The following SPPL3 variants were observed in gnomAD, a reference collection of about 807,000 sequenced individuals.
SPPL3 encodes the protein signal peptide peptidase like 3.
Under a neutral mutation model 42.4 loss-of-function variants are expected in SPPL3, and 5 were observed. The ratio of observed to expected loss-of-function variants is 0.12; its 90% CI spans 0.06 to 0.25. The LOEUF is 0.25. Among genes scored for constraint, SPPL3 ranks in the 10% least tolerant of loss-of-function variants. The pLI is 1.00. For synonymous variants in SPPL3, 195 were observed against 181.8 expected (o/e 1.07, Z -0.58); for missense variants, 235 against 489.0 (o/e 0.48, Z 4.90).
chr12:120,887,461 A>G (rs1873501701), intron 1 of SPPL3, among the ~76,000 whole-genome samples: 1 of 152,168 alleles, frequency 6.6e-6, no homozygotes, highest in South Asian at 2.1e-4. Flanking sequence ...ACCTTCAGTC[A>G]TGAAACCACT....
intron 1 of SPPL3, among the ~76,000 whole-genome samples, chr12:120,894,265 G>A (rs1307253411): frequency 1.3e-5 from 2 of 152,028 alleles, no homozygotes; most frequent in Non-Finnish European, 2.9e-5. Flanking sequence ...CAGAGGTTGC[G>A]GTGAGCCAAG....
Position 120,764,960 on chromosome 12 carries a change from G to C in SPPL3, c.*39C>G, listed in dbSNP as rs765392551. The C allele has an allele frequency of 6.2e-6, 10 of 1,604,740 alleles. No individual in the cohort carries two copies. The South Asian group carries it at 1.1e-4, about 18-fold the overall frequency. ...AAACAAACCATGAGTTGAGAGAAAA[G>C]GACTATGACGGCCATCTGGTCACTT... On this transcript the variant is annotated 3_prime_UTR_variant, in exon 11 of 11. Transcript: ENST00000353487.
chr12:120,810,699 G>T, intron 2 of SPPL3, 110 bp downstream of exon 2: 2 of 793,050 alleles, frequency 2.5e-6, no homozygotes, highest in Non-Finnish European at 2.1e-6. Context: ...GTCAAATCCT[G>T]CCGAAGTCCT....
Position 120,830,582 on chromosome 12 carries a change from A to G in SPPL3, c.24-19696T>C, listed in dbSNP as rs377702278. 1.5e-3 allele frequency among the ~76,000 whole-genome samples: 141 copies of G among 92,414 alleles called. 12 individuals are homozygous for G. Among genetic ancestry groups the G allele is most frequent in the African/African-American group, 6.1e-3 (127 of 20,810 alleles). The allele number at this position is 92,414 out of a possible 152,430, so 60.6% of individuals were successfully genotyped here. Reference sequence around the variant, plus strand: ...GGAGGGGTGGGGGAGGGGGGGAAGGAGAGAGAGAGAGAGAGAGAGAGAGAA... The same window carrying G: ...GGAGGGGTGGGGGAGGGGGGGAAGGGGAGAGAGAGAGAGAGAGAGAGAGAA... On this transcript the variant is annotated intron_variant, in intron 1 of 10. Coordinates refer to ENST00000353487, the MANE Select transcript of SPPL3 (RefSeq NM_139015.5).
chr12:120,781,565 T>G (rs1043974798), intron 6 of SPPL3, among the ~76,000 whole-genome samples: 4 of 88,552 alleles, frequency 4.5e-5, no homozygotes, highest in African/African-American at 1.9e-4. Flanking sequence ...GTTTTTTTTT[T>G]TTTTTTTTTT....
At chr12:120,805,315 C>T (rs1870451620) in intron 2 of SPPL3, among the ~76,000 whole-genome samples, 1 of 152,168 alleles carries the variant, frequency 6.6e-6, no homozygotes, top group African/African-American at 2.4e-5. Flanking sequence ...CATAAGAACA[C>T]ATGATAAAAT....
At chr12:120,858,012 G>GAAC (rs1164455031) in intron 1 of SPPL3, among the ~76,000 whole-genome samples, 1 of 139,678 alleles carries the variant, frequency 7.2e-6, no homozygotes, top group African/African-American at 2.5e-5. Context: ...CATTAAAAAT[G>GAAC]AACAACAGGA....
intron 2 of SPPL3, among the ~76,000 whole-genome samples, chr12:120,803,246 C>T (rs925433745): frequency 1.3e-5 from 2 of 152,134 alleles, no homozygotes; most frequent in African/African-American, 4.8e-5. Context: ...TCTTTTTTGG[C>T]TCTATTTTGT....
chr12:120,842,949 G>T (rs960806668), intron 1 of SPPL3, among the ~76,000 whole-genome samples: 1 of 152,166 alleles, frequency 6.6e-6, no homozygotes. Context: ...TTAGAAACTG[G>T]AGGAGGCAGT....
At chr12:120,789,824 CAAAAAAAAAAAA>C (rs3050392) in intron 3 of SPPL3, among the ~76,000 whole-genome samples, 13 of 30,462 alleles carry the variant, frequency 4.3e-4, no homozygotes, top group Admixed American at 2.6e-3. Flanking sequence ...GACTCCGTCT[CAAAAAAAAAAAA>C]AAAAAAAAAA....
chr12:120,808,628 C>A (rs1242388643), intron 2 of SPPL3, among the ~76,000 whole-genome samples: 1 of 152,162 alleles, frequency 6.6e-6, no homozygotes, highest in Non-Finnish European at 1.5e-5. Flanking sequence ...GCTATCATCA[C>A]TGTAACAGTC....
intron 1 of SPPL3, among the ~76,000 whole-genome samples, chr12:120,850,466 C>T (rs978340941): frequency 1.4e-5 from 2 of 139,752 alleles, no homozygotes; most frequent in African/African-American, 5.3e-5. Context: ...CAAGACCAGC[C>T]TGGACAACAT....
chr12:120,850,504 A>C (rs980019642), intron 1 of SPPL3, among the ~76,000 whole-genome samples: 6 of 151,060 alleles, frequency 4.0e-5, no homozygotes, highest in African/African-American at 1.2e-4. Flanking sequence ...AAAAAAAAAA[A>C]AAAAAAAAAC....
intron 1 of SPPL3, among the ~76,000 whole-genome samples, chr12:120,879,186 C>T (rs1227633466): frequency 6.6e-6 from 1 of 151,090 alleles, no homozygotes; most frequent in East Asian, 1.9e-4. Context: ...TAATACCTGT[C>T]ATGTAGACAG....
At chr12:120,858,119 A>C (rs899783487) in intron 1 of SPPL3, among the ~76,000 whole-genome samples, 15 of 152,206 alleles carry the variant, frequency 9.9e-5, no homozygotes, top group African/African-American at 3.4e-4. Context: ...CAGAAAAAAA[A>C]CATGCCTTTA....
intron 6 of SPPL3, among the ~76,000 whole-genome samples, chr12:120,781,505 C>G (rs1350624709): frequency 7.0e-6 from 1 of 142,722 alleles, no homozygotes; most frequent in Non-Finnish European, 1.5e-5. Context: ...TAATATAGAG[C>G]ATAATATGAT....
At chr12:120,882,313 G>A (rs1467533353) in intron 1 of SPPL3, among the ~76,000 whole-genome samples, 3 of 152,070 alleles carry the variant, frequency 2.0e-5, no homozygotes, top group African/African-American at 7.3e-5. Context: ...GTCAATCTGG[G>A]AAGATTAAAA....
In SPPL3 at chr12:120,763,781, C is replaced by T. The variant is rs1467248929; in HGVS notation, c.*1218G>A. 6.8e-6 allele frequency: 1 copy of T among 148,068 alleles called. No individual in the cohort carries two copies. Among genetic ancestry groups the T allele is most frequent in the African/African-American group, 2.5e-5 (1 of 39,396 alleles). 9.2% of individuals were successfully genotyped at this position (148,068 alleles called of 1,614,324 possible). A position where few individuals can be genotyped will look rare whatever the true frequency, so the allele number is the denominator to read the frequency against. On this transcript the variant is annotated 3_prime_UTR_variant, in exon 11 of 11. Coordinates refer to ENST00000353487, the MANE Select transcript of SPPL3 (RefSeq NM_139015.5). ...TAAACCAAGACTATAATCACAACAG[C>T]AAGGACAGGATTGTGTTGCTTTTTT... is the stretch of plus-strand genomic sequence containing the variant.
intron 1 of SPPL3, among the ~76,000 whole-genome samples, chr12:120,883,253 C>G (rs552119402): frequency 5.2e-4 from 76 of 147,036 alleles, no homozygotes; most frequent in African/African-American, 1.8e-3. Flanking sequence ...TGCAGTGAGC[C>G]GAGATCGCAC....
Sources: allele counts gnomAD v4.1 joint callset (sites outside exome capture counted in the v4.1 genomes callset), GRCh38; gene constraint gnomAD v4.1.1; transcripts MANE v1.5; gene names NCBI Gene and HGNC (gene_info 2026-07-23, HGNC 2026-07-21).